SYT1: variants seen among roughly 807,000 people sequenced by gnomAD.
SYT1 encodes the protein synaptotagmin-1.
SYT1 carries 8 observed loss-of-function variants against 44.8 expected under a neutral mutation model. The observed-to-expected ratio is 0.18, with a 90% CI of 0.10 to 0.32. The LOEUF (loss-of-function observed/expected upper bound fraction) is 0.32, where lower values mean the gene tolerates loss of function less well. SYT1 is among the 10% of genes least tolerant of loss of function. The pLI is 1.00. For synonymous variants in SYT1, 154 were observed against 188.8 expected, an observed-to-expected ratio of 0.82 and a Z score of 1.51; for missense variants, 286 against 509.3, an observed-to-expected ratio of 0.56 and a Z score of 4.22.
intron 3 of SYT1, among the ~76,000 whole-genome samples, chr12:79,109,147 C>T (rs1183146250): frequency 2.0e-5 from 3 of 152,174 alleles, no homozygotes; most frequent in Admixed American, 2.0e-4. Context: ...CCAGGCTCCT[C>T]CCTGCTGCAA....
chr12:79,179,512 GATATATCTATATAGATAT>G (rs1872351832), intron 3 of SYT1, among the ~76,000 whole-genome samples: 1 of 100,708 alleles, frequency 9.9e-6, no homozygotes, highest in Admixed American at 1.2e-4. Context: ...TATAGATATA[GATATATCTATATAGATAT>G]AGATATAGAT....
At position 79,300,792 on chromosome 12, in the gene SYT1, TATATA is replaced by T. The variant is rs1565897796; in HGVS notation, c.810+1242_810+1246del. On this transcript the variant is annotated intron_variant, in intron 8 of 10. Coordinates refer to ENST00000261205, the MANE Select transcript of SYT1 (RefSeq NM_005639.3). The stretch of plus-strand genomic sequence containing the variant: ...ATATAATATTCATGTATACTTATTA[TATATA>T]TATATATATATATATATATATATAT... Among the ~76,000 whole-genome samples the T allele has an allele frequency of 4.2e-3, 314 of 74,872 alleles. 9 individuals are homozygous for T. Among genetic ancestry groups the T allele is most frequent in the African/African-American group, 0.011 (269 of 24,230 alleles). 49.1% of individuals were successfully genotyped at this position (74,872 alleles called of 152,430 possible). A position where few individuals can be genotyped will look rare whatever the true frequency, so the allele number is the denominator to read the frequency against.
intron 1 of SYT1, among the ~76,000 whole-genome samples, chr12:78,946,081 T>A (rs935446978): frequency 1.2e-4 from 18 of 152,202 alleles, no homozygotes; most frequent in African/African-American, 3.9e-4. Context: ...TTGCAGCTGA[T>A]TAATAACACA....
At chr12:78,876,724 A>G (rs1336534320) in intron 1 of SYT1, among the ~76,000 whole-genome samples, 1 of 110,860 alleles carries the variant, frequency 9.0e-6, no homozygotes, top group Non-Finnish European at 1.8e-5. Context: ...ATTATATAAT[A>G]TAATTATATA....
At chr12:78,953,402 A>G (rs1936573966) in intron 1 of SYT1, among the ~76,000 whole-genome samples, 1 of 152,092 alleles carries the variant, frequency 6.6e-6, no homozygotes, top group South Asian at 2.1e-4. Context: ...ACTTAGATGG[A>G]TTAGTTCACC....
At chr12:78,920,452 G>A (rs1182768983) in intron 1 of SYT1, among the ~76,000 whole-genome samples, 1 of 151,936 alleles carries the variant, frequency 6.6e-6, no homozygotes, top group Non-Finnish European at 1.5e-5. Context: ...TATTGGAATG[G>A]CTTTAACACA....
At chr12:78,896,059 A>G (rs1260043172) in intron 1 of SYT1, among the ~76,000 whole-genome samples, 1 of 151,798 alleles carries the variant, frequency 6.6e-6, no homozygotes, top group Non-Finnish European at 1.5e-5. Flanking sequence ...AATTTCTGGC[A>G]TATAGTCTGT....
At chr12:79,366,002 G>A (rs1361125557) in intron 9 of SYT1, among the ~76,000 whole-genome samples, 4 of 152,014 alleles carry the variant, frequency 2.6e-5, no homozygotes, top group Admixed American at 6.6e-5. Context: ...AATACATACC[G>A]CTATGAAAGT....
intron 3 of SYT1, among the ~76,000 whole-genome samples, chr12:79,120,880 A>G (rs1396852533): frequency 6.6e-6 from 1 of 151,504 alleles, no homozygotes; most frequent in Non-Finnish European, 1.5e-5. Flanking sequence ...TAGAAACCCA[A>G]GGTGCCTGAC....
chr12:79,158,260 T>C (rs561315918), intron 3 of SYT1, among the ~76,000 whole-genome samples: 1 of 152,196 alleles, frequency 6.6e-6, no homozygotes, highest in African/African-American at 2.4e-5. Context: ...TGGGAGACAA[T>C]GACAGATCAT....
chr12:79,216,944 C>T (rs1874843426), intron 3 of SYT1, among the ~76,000 whole-genome samples: 1 of 151,892 alleles, frequency 6.6e-6, no homozygotes, highest in Admixed American at 6.6e-5. Flanking sequence ...AACTTACCAT[C>T]AATAAATAAG....
chr12:79,076,552 G>A (rs929420631), intron 3 of SYT1, among the ~76,000 whole-genome samples: 2 of 152,042 alleles, frequency 1.3e-5, no homozygotes, highest in Non-Finnish European at 1.5e-5. Flanking sequence ...ACCAAATCAG[G>A]TGAAATGCAA....
At chr12:79,434,074 C>T (rs1869949334) in intron 9 of SYT1, among the ~76,000 whole-genome samples, 1 of 152,170 alleles carries the variant, frequency 6.6e-6, no homozygotes, top group Non-Finnish European at 1.5e-5. Context: ...AAGAAAAATG[C>T]TTTTCATTTA....
At chr12:79,016,358 T>C (rs1442853669) in intron 2 of SYT1, among the ~76,000 whole-genome samples, 1 of 152,184 alleles carries the variant, frequency 6.6e-6, no homozygotes, top group Non-Finnish European at 1.5e-5. Flanking sequence ...TCCATAAGCA[T>C]TATGCTTTCC....
At chr12:79,073,547 G>A (rs901069646) in intron 3 of SYT1, among the ~76,000 whole-genome samples, 9 of 152,074 alleles carry the variant, frequency 5.9e-5, no homozygotes, top group African/African-American at 2.2e-4. Flanking sequence ...CTTGAAGAAA[G>A]TGAGCATGTG....
intron 3 of SYT1, among the ~76,000 whole-genome samples, chr12:79,150,205 A>C (rs1347450854): frequency 6.6e-6 from 1 of 152,176 alleles, no homozygotes; most frequent in African/African-American, 2.4e-5. Context: ...CATTATTACT[A>C]ACTGTAGTCT....
rs561876298 is a variant in SYT1 at position 79,366,549 on chromosome 12, C to G, written c.928+12930C>G. 9.2e-5 allele frequency among the ~76,000 whole-genome samples: 14 copies of G among 152,348 alleles called. No homozygotes were observed. The East Asian group carries it at 2.5e-3, about 27-fold the overall frequency. ...AAAATGCCAGCATTTGTCCCTGCCT[C>G]CTTGGCCTCCAGTGGAGTTGCAACT... On this transcript the variant is annotated intron_variant, in intron 9 of 10. Transcript: ENST00000261205.
intron 2 of SYT1, among the ~76,000 whole-genome samples, chr12:79,017,737 G>A (rs552722525): frequency 6.6e-6 from 1 of 152,168 alleles, no homozygotes; most frequent in South Asian, 2.1e-4. Flanking sequence ...AGCAGCTGTT[G>A]AAGATTTTTG....
chr12:79,289,711 A>T (rs1176411237), intron 5 of SYT1, among the ~76,000 whole-genome samples: 1 of 152,160 alleles, frequency 6.6e-6, no homozygotes, highest in Non-Finnish European at 1.5e-5. Context: ...TATCAAACAG[A>T]AGTAGATGTT....
Sources: gnomAD v4.1 joint callset for allele counts (sites outside exome capture counted in the v4.1 genomes callset) on GRCh38, gnomAD v4.1.1 for gene constraint, MANE v1.5 for transcripts, NCBI Gene and HGNC (gene_info 2026-07-23, HGNC 2026-07-21) for gene names.